The following MACROD2 variants were observed in gnomAD, a reference collection of about 807,000 sequenced individuals.
The protein encoded by MACROD2 is mono-ADP ribosylhydrolase 2.
MACROD2 carries 36 observed loss-of-function variants against 70.4 expected under a neutral mutation model. The observed-to-expected ratio is 0.51, with a 90% CI of 0.39 to 0.68. MACROD2 has a LOEUF of 0.68. Among genes scored for constraint, MACROD2 ranks in the 30% least tolerant of loss-of-function variants. The pLI is 0.00. For missense variants in MACROD2, 496 were observed against 538.4 expected, an observed-to-expected ratio of 0.92 and a Z score of 0.78; for synonymous variants, 172 against 178.8, an observed-to-expected ratio of 0.96 and a Z score of 0.30.
intron 8 of MACROD2, among the ~76,000 whole-genome samples, chr20:15,681,508 A>G (rs533091511): frequency 5.9e-5 from 9 of 152,198 alleles, no homozygotes; most frequent in Admixed American, 6.5e-5. Flanking sequence ...GGAGGAGAAG[A>G]TAACATATTT....
chr20:15,069,927 G>T (rs559371352), intron 5 of MACROD2, among the ~76,000 whole-genome samples: 2 of 152,298 alleles, frequency 1.3e-5, no homozygotes, highest in Non-Finnish European at 2.9e-5. Context: ...TGTGGGAAGG[G>T]GTTGCCACCC....
intron 6 of MACROD2, among the ~76,000 whole-genome samples, chr20:15,373,178 G>A (rs576573734): frequency 6.6e-6 from 1 of 152,204 alleles, no homozygotes; most frequent in Admixed American, 6.5e-5. Flanking sequence ...CCAGAATTCT[G>A]TGATAGGCCA....
At position 14,062,080 on chromosome 20, in the gene MACROD2, TATC is replaced by T. The variant is rs1189304132; in HGVS notation, c.164-23538_164-23536del. Among the ~76,000 whole-genome samples the T allele has an allele frequency of 6.6e-5, 10 of 152,308 alleles. No homozygotes were observed. In the South Asian group the frequency reaches 1.2e-3, roughly 19 times the overall value. On this transcript the variant is annotated intron_variant, in intron 2 of 17. Coordinates refer to ENST00000684519, the MANE Select transcript of MACROD2 (RefSeq NM_001351661.2). The stretch of plus-strand genomic sequence containing the variant: ...TGATCTGTGAAGCAGGAAATTAAAA[TATC>T]ATGCCTAAGTCATTAACATTTCTGC...
At chr20:15,964,251 A>G (rs985598209) in intron 12 of MACROD2, among the ~76,000 whole-genome samples, 1 of 152,136 alleles carries the variant, frequency 6.6e-6, no homozygotes, top group Non-Finnish European at 1.5e-5. Context: ...TCCTACAACA[A>G]AATACCATTA....
intron 4 of MACROD2, among the ~76,000 whole-genome samples, chr20:14,552,409 A>G (rs1978719446): frequency 2.0e-5 from 3 of 151,396 alleles, no homozygotes; most frequent in Admixed American, 2.0e-4. Context: ...CCCAAAATAG[A>G]TTTAGCTACA....
Position 14,636,892 on chromosome 20 carries a change from C to T in MACROD2, c.302-47951C>T, listed in dbSNP as rs555087921. 7.9e-5 allele frequency among the ~76,000 whole-genome samples: 12 copies of T among 152,096 alleles called. No individual in the cohort carries two copies. In the South Asian group the frequency reaches 1.2e-3, roughly 16 times the overall value. ...CAGAGGAAGCAAAAACTGATACTGA[C>T]GGAGTCTGTTTAAGTAAAGGCACTG... is the stretch of plus-strand genomic sequence containing the variant. On this transcript the variant is annotated intron_variant, in intron 4 of 17. Coordinates refer to ENST00000684519, the MANE Select transcript of MACROD2 (RefSeq NM_001351661.2).
In MACROD2 at chr20:14,693,669, C is replaced by T. The variant is rs551439131; in HGVS notation, c.418+8710C>T. Among the ~76,000 whole-genome samples the T allele has an allele frequency of 4.6e-5, 7 of 152,212 alleles. No individual in the cohort carries two copies. The East Asian group carries it at 1.2e-3, about 25-fold the overall frequency. Reference sequence around the variant, plus strand: ...ACTTGAAAATATTGATGTAACCAAGCTCTGTATTATAGAATGTAAGATTGA... The same window carrying T: ...ACTTGAAAATATTGATGTAACCAAGTTCTGTATTATAGAATGTAAGATTGA... On this transcript the variant is annotated intron_variant, in intron 5 of 17. Coordinates refer to ENST00000684519, the MANE Select transcript of MACROD2 (RefSeq NM_001351661.2).
intron 5 of MACROD2, among the ~76,000 whole-genome samples, chr20:14,929,723 C>T (rs76442600): frequency 6.2e-4 from 94 of 152,110 alleles, no homozygotes; most frequent in African/African-American, 2.1e-3. Flanking sequence ...ACCTTATTAA[C>T]GTAAACTCGG....
At chr20:14,485,755 A>T (rs930409922) in intron 3 of MACROD2, among the ~76,000 whole-genome samples, 1 of 150,586 alleles carries the variant, frequency 6.6e-6, no homozygotes, top group Non-Finnish European at 1.5e-5. Flanking sequence ...AGGGAATGGT[A>T]GATAAGAGGA....
intron 5 of MACROD2, among the ~76,000 whole-genome samples, chr20:15,208,513 G>A (rs1042466947): frequency 6.6e-6 from 1 of 152,108 alleles, no homozygotes; most frequent in Non-Finnish European, 1.5e-5. Flanking sequence ...TAAGACTCTG[G>A]ATCTTTTTAA....
rs1033777181 is a variant in MACROD2 at position 14,608,807 on chromosome 20, G to T, written c.302-76036G>T. Reference sequence around the variant, plus strand: ...ATTGGGTAGAGGGACTGGAGGATAGGTAGGTACCGTTTTAGATAGAATGAT... The same window carrying T: ...ATTGGGTAGAGGGACTGGAGGATAGTTAGGTACCGTTTTAGATAGAATGAT... On this transcript the variant is annotated intron_variant, in intron 4 of 17. Transcript: ENST00000684519. Among the ~76,000 whole-genome samples the T allele has an allele frequency of 3.9e-5, 6 of 152,150 alleles. No homozygotes were observed. In the East Asian group the frequency reaches 1.2e-3, roughly 29 times the overall value.
At chr20:14,944,897 G>T (rs1209182939) in intron 5 of MACROD2, among the ~76,000 whole-genome samples, 1 of 152,004 alleles carries the variant, frequency 6.6e-6, no homozygotes, top group Non-Finnish European at 1.5e-5. Flanking sequence ...TGACTTTTCT[G>T]TCCTTTATCC....
At chr20:14,425,926 A>T (rs550308976) in intron 3 of MACROD2, among the ~76,000 whole-genome samples, 1 of 152,090 alleles carries the variant, frequency 6.6e-6, no homozygotes, top group Admixed American at 6.6e-5. Context: ...TACTTTGTTG[A>T]TGGTTTCCTG....
chr20:14,003,115 G>A (rs12481405), intron 2 of MACROD2, among the ~76,000 whole-genome samples: 26,655 of 152,126 alleles, frequency 0.18, 2,548 homozygotes, highest in South Asian at 0.23. Flanking sequence ...TTCTTAAGGT[G>A]CTTAACAGTT....
At chr20:15,984,393 A>G (rs1374322251) in intron 13 of MACROD2, among the ~76,000 whole-genome samples, 1 of 152,098 alleles carries the variant, frequency 6.6e-6, no homozygotes, top group Non-Finnish European at 1.5e-5. Context: ...TACTTTTCTT[A>G]TACACCTTGC....
At chr20:14,785,067 T>G (rs1445642439) in intron 5 of MACROD2, among the ~76,000 whole-genome samples, 1 of 152,098 alleles carries the variant, frequency 6.6e-6, no homozygotes, top group African/African-American at 2.4e-5. Context: ...AGTTATCCTT[T>G]AATAATTTCA....
chr20:14,247,852 A>G (rs909714040), intron 3 of MACROD2, among the ~76,000 whole-genome samples: 2 of 152,236 alleles, frequency 1.3e-5, no homozygotes, highest in Non-Finnish European at 2.9e-5. Context: ...CGTATCCAGC[A>G]GAATTCCTCC....
At chr20:15,514,405 T>G (rs918111963) in intron 8 of MACROD2, among the ~76,000 whole-genome samples, 8 of 152,228 alleles carry the variant, frequency 5.3e-5, no homozygotes, top group Non-Finnish European at 1.0e-4. Context: ...CTTTTCCATG[T>G]TCAGATATGT....
chr20:14,032,539 T>C (rs979010426), intron 2 of MACROD2, among the ~76,000 whole-genome samples: 20 of 152,332 alleles, frequency 1.3e-4, no homozygotes, highest in African/African-American at 4.8e-4. Flanking sequence ...TTGCATTTCT[T>C]AACATTTTTT....
Sources: allele counts gnomAD v4.1 joint callset (sites outside exome capture counted in the v4.1 genomes callset), GRCh38; gene constraint gnomAD v4.1.1; transcripts MANE v1.5; gene names NCBI Gene and HGNC (gene_info 2026-07-23, HGNC 2026-07-21).